CELF4: variants seen among roughly 807,000 people sequenced by gnomAD.
CELF4 encodes the protein CUGBP Elav-like family member 4.
CELF4 carries 18 observed loss-of-function variants against 59.9 expected under a neutral mutation model. The ratio of observed to expected loss-of-function variants is 0.30; its 90% CI spans 0.21 to 0.45. The LOEUF is 0.45. CELF4 is among the 20% of genes least tolerant of loss of function. The pLI, the probability that CELF4 is intolerant of heterozygous loss-of-function variation, is 1.00. For synonymous variants in CELF4, 261 were observed against 267.1 expected (o/e 0.98, Z 0.22); for missense variants, 456 against 689.0 (o/e 0.66, Z 3.79).
chr18:37,549,486 C>T (rs1489085598), intron 1 of CELF4, among the ~76,000 whole-genome samples: 1 of 152,210 alleles, frequency 6.6e-6, no homozygotes, highest in East Asian at 1.9e-4. Context: ...TGCCCCTGAT[C>T]CCTGATTCAC....
intron 1 of CELF4, among the ~76,000 whole-genome samples, chr18:37,554,181 G>A (rs1431942733): frequency 6.6e-6 from 1 of 152,154 alleles, no homozygotes; most frequent in Non-Finnish European, 1.5e-5. Context: ...GAGCCAGTCC[G>A]GGGGCCTGGG....
At chr18:37,340,970 C>T (rs2097998037) in intron 2 of CELF4, among the ~76,000 whole-genome samples, 1 of 152,204 alleles carries the variant, frequency 6.6e-6, no homozygotes, top group South Asian at 2.1e-4. Context: ...GTTCAGTCCC[C>T]AGCCATTCAT....
At chr18:37,283,854 G>A (rs1306642860) in intron 3 of CELF4, among the ~76,000 whole-genome samples, 1 of 70,158 alleles carries the variant, frequency 1.4e-5, no homozygotes, top group Non-Finnish European at 3.0e-5. Context: ...GCGGGCCAGG[G>A]AACAGCACGT....
At chr18:37,348,526 T>A (rs1249702556) in intron 2 of CELF4, among the ~76,000 whole-genome samples, 2 of 152,074 alleles carry the variant, frequency 1.3e-5, no homozygotes, top group Non-Finnish European at 2.9e-5. Context: ...GGGGCTCAAG[T>A]GGGATCTTCC....
At chr18:37,548,140 C>G (rs1455746851) in intron 1 of CELF4, among the ~76,000 whole-genome samples, 2 of 150,984 alleles carry the variant, frequency 1.3e-5, no homozygotes, top group Non-Finnish European at 3.0e-5. Flanking sequence ...GTACACATCT[C>G]TGTGTGTGTG....
At chr18:37,250,833 C>T (rs760048148) in intron 12 of CELF4, among the ~76,000 whole-genome samples, 11 of 152,140 alleles carry the variant, frequency 7.2e-5, no homozygotes, top group Non-Finnish European at 1.6e-4. Flanking sequence ...CAGCACCATT[C>T]GTTAAAATAC....
intron 6 of CELF4, 69 bp from the exon 7 acceptor site, chr18:37,273,232 GC>G: frequency 1.3e-6 from 2 of 1,552,068 alleles, no homozygotes; most frequent in Non-Finnish European, 1.7e-6. Flanking sequence ...AGGGGCCTCA[GC>G]TCCTGGAGAC....
chr18:37,283,050 C>T (rs2094339017), intron 3 of CELF4, among the ~76,000 whole-genome samples: 1 of 152,066 alleles, frequency 6.6e-6, no homozygotes, highest in Non-Finnish European at 1.5e-5. Flanking sequence ...CCTGCTCTTC[C>T]CCGCCCCCAA....
intron 2 of CELF4, among the ~76,000 whole-genome samples, chr18:37,330,238 T>G (rs2154530770): frequency 6.6e-6 from 1 of 152,184 alleles, no homozygotes; most frequent in African/African-American, 2.4e-5. Context: ...ATGAAATTAT[T>G]TGTTTAAAGC....
intron 1 of CELF4, chr18:37,529,069 T>C (rs1452916043): frequency 6.6e-6 from 1 of 152,108 alleles, no homozygotes; most frequent in African/African-American, 2.4e-5. Flanking sequence ...AGGTGGGTAC[T>C]AAAGGATTAA....
At chr18:37,482,777 C>A (rs922586326) in intron 2 of CELF4, among the ~76,000 whole-genome samples, 1 of 152,150 alleles carries the variant, frequency 6.6e-6, no homozygotes, top group African/African-American at 2.4e-5. Flanking sequence ...GATTATTTTT[C>A]TTGCTGGCAA....
chr18:37,380,648 T>A (rs2099026405), intron 2 of CELF4, among the ~76,000 whole-genome samples: 1 of 70,554 alleles, frequency 1.4e-5, no homozygotes, highest in Admixed American at 1.8e-4. Context: ...TATCCATCCA[T>A]CCATCTATCC....
At chr18:37,552,367 C>T (rs1267551311) in intron 1 of CELF4, among the ~76,000 whole-genome samples, 1 of 152,214 alleles carries the variant, frequency 6.6e-6, no homozygotes, top group Non-Finnish European at 1.5e-5. Flanking sequence ...GTATGTCCCG[C>T]CACAGCCTAT....
chr18:37,404,596 A>G (rs2099362650), intron 2 of CELF4, among the ~76,000 whole-genome samples: 1 of 152,194 alleles, frequency 6.6e-6, no homozygotes, highest in African/African-American at 2.4e-5. Flanking sequence ...ACATCACTCC[A>G]GCCAGGCCCA....
chr18:37,537,496 C>T (rs756224827), intron 1 of CELF4, among the ~76,000 whole-genome samples: 7 of 152,122 alleles, frequency 4.6e-5, no homozygotes, highest in Non-Finnish European at 8.8e-5. Context: ...GGCCAGTTCC[C>T]GGTCGGGTCT....
chr18:37,495,383 C>T (rs1053892063), intron 1 of CELF4, among the ~76,000 whole-genome samples: 2 of 152,130 alleles, frequency 1.3e-5, no homozygotes, highest in Non-Finnish European at 2.9e-5. Context: ...GAGCCTCTGC[C>T]TCACTCCTTC....
chr18:37,297,150 G>A (rs893317879), intron 3 of CELF4, among the ~76,000 whole-genome samples: 3 of 152,110 alleles, frequency 2.0e-5, no homozygotes, highest in Admixed American at 6.6e-5. Context: ...GGGTGGAATG[G>A]GTATAAGGTT....
At chr18:37,524,606 C>T (rs2099961398) in intron 1 of CELF4, among the ~76,000 whole-genome samples, 1 of 152,240 alleles carries the variant, frequency 6.6e-6, no homozygotes, top group Non-Finnish European at 1.5e-5. Context: ...GGAAGATCCA[C>T]ACCGCGGAGC....
At chr18:37,456,764 T>C (rs1316600182) in intron 2 of CELF4, among the ~76,000 whole-genome samples, 1 of 152,190 alleles carries the variant, frequency 6.6e-6, no homozygotes, top group Admixed American at 6.5e-5. Flanking sequence ...CTATTCCTGA[T>C]GCACTGTAGC....
Sources: gnomAD v4.1 joint callset for allele counts (sites outside exome capture counted in the v4.1 genomes callset) on GRCh38, gnomAD v4.1.1 for gene constraint, MANE v1.5 for transcripts, NCBI Gene and HGNC (gene_info 2026-07-23, HGNC 2026-07-21) for gene names.